The following GALNTL6 variants were observed in gnomAD, a reference collection of about 807,000 sequenced individuals.
The protein encoded by GALNTL6 is polypeptide N-acetylgalactosaminyltransferase like 6, also known as polypeptide N-acetylgalactosaminyltransferase-like 6.
In GALNTL6, 46 loss-of-function variants were observed where a neutral mutation model predicts 73.7. The observed-to-expected ratio is 0.62, with a 90% CI of 0.49 to 0.80. The LOEUF (loss-of-function observed/expected upper bound fraction) is 0.80, where lower values mean the gene tolerates loss of function less well. GALNTL6 is among the 30% of genes least tolerant of loss of function. GALNTL6 has a pLI of 0.00. For synonymous variants in GALNTL6, 259 were observed against 263.7 expected, an observed-to-expected ratio of 0.98 and a Z score of 0.17; for missense variants, 604 against 755.0, an observed-to-expected ratio of 0.80 and a Z score of 2.34.
intron 2 of GALNTL6, among the ~76,000 whole-genome samples, chr4:172,100,288 A>C (rs1732474404): frequency 6.6e-6 from 1 of 152,198 alleles, no homozygotes; most frequent in East Asian, 1.9e-4. Context: ...CTGGCCCTTA[A>C]TGATAATAAT....
At chr4:172,453,707 G>C (rs531084364) in intron 5 of GALNTL6, among the ~76,000 whole-genome samples, 1 of 152,292 alleles carries the variant, frequency 6.6e-6, no homozygotes, top group South Asian at 2.1e-4. Flanking sequence ...AGTTACAGAG[G>C]ATACACTGGG....
intron 8 of GALNTL6, among the ~76,000 whole-genome samples, chr4:172,892,471 GAAATT>G (rs1746084930): frequency 6.6e-6 from 1 of 152,112 alleles, no homozygotes; most frequent in East Asian, 1.9e-4. Context: ...GGGTGTTGAA[GAAATT>G]TTTTCTTTAG....
intron 5 of GALNTL6, among the ~76,000 whole-genome samples, chr4:172,458,957 A>G (rs907608719): frequency 6.6e-6 from 1 of 152,192 alleles, no homozygotes; most frequent in Non-Finnish European, 1.5e-5. Context: ...CGATGTGAAA[A>G]TCCTCAATAA....
chr4:172,462,718 A>G (rs1223990544), intron 5 of GALNTL6, among the ~76,000 whole-genome samples: 1 of 152,190 alleles, frequency 6.6e-6, no homozygotes, highest in Admixed American at 6.5e-5. Context: ...TTTGCACAAT[A>G]CATGGAAAAC....
chr4:171,833,138 T>C (rs1735021156), intron 2 of GALNTL6, among the ~76,000 whole-genome samples: 1 of 151,774 alleles, frequency 6.6e-6, no homozygotes, highest in African/African-American at 2.4e-5. Context: ...AAATTATATA[T>C]GATATCTAGG....
chr4:172,486,417 G>T (rs1733668893), intron 5 of GALNTL6, among the ~76,000 whole-genome samples: 1 of 152,102 alleles, frequency 6.6e-6, no homozygotes, highest in East Asian at 1.9e-4. Flanking sequence ...ATATGTTTGG[G>T]TATAAATATG....
At chr4:172,770,553 T>A (rs1191907462) in intron 5 of GALNTL6, among the ~76,000 whole-genome samples, 2 of 152,190 alleles carry the variant, frequency 1.3e-5, no homozygotes, top group Non-Finnish European at 2.9e-5. Flanking sequence ...CACAAACAAA[T>A]AATTGGTGCA....
At chr4:172,451,298 C>T (rs769066295) in intron 5 of GALNTL6, among the ~76,000 whole-genome samples, 6 of 152,076 alleles carry the variant, frequency 3.9e-5, no homozygotes, top group Non-Finnish European at 7.3e-5. Context: ...GTATTTTGAA[C>T]GTTACCAGGA....
chr4:172,880,988 G>C (rs139124970), intron 7 of GALNTL6, among the ~76,000 whole-genome samples: 50 of 152,110 alleles, frequency 3.3e-4, no homozygotes, highest in Non-Finnish European at 6.3e-4. Context: ...GGTGGTTCTA[G>C]TTTTGAGATT....
chr4:172,006,696 T>TG (rs1234231034), intron 2 of GALNTL6, among the ~76,000 whole-genome samples: 1 of 152,018 alleles, frequency 6.6e-6, no homozygotes, highest in Non-Finnish European at 1.5e-5. Flanking sequence ...CTAAAGTTCT[T>TG]GGGGGGAATA....
chr4:172,624,263 T>G (rs1739071049), intron 5 of GALNTL6, among the ~76,000 whole-genome samples: 1 of 152,184 alleles, frequency 6.6e-6, no homozygotes, highest in East Asian at 1.9e-4. Context: ...TGTTGTTGTT[T>G]TTGTTTTTTG....
intron 2 of GALNTL6, among the ~76,000 whole-genome samples, chr4:172,204,204 C>G (rs1197076895): frequency 6.6e-6 from 1 of 151,960 alleles, no homozygotes; most frequent in East Asian, 1.9e-4. Context: ...TAAAAATATA[C>G]CTAAAAAAAT....
At chr4:172,711,578 G>A (rs895763709) in intron 5 of GALNTL6, among the ~76,000 whole-genome samples, 1 of 152,096 alleles carries the variant, frequency 6.6e-6, no homozygotes, top group Non-Finnish European at 1.5e-5. Flanking sequence ...TGATTCCAAG[G>A]GTTTTGACCT....
rs531422954 is a variant in GALNTL6 at position 171,960,966 on chromosome 4, A to T, written c.138+146248A>T. On this transcript the variant is annotated intron_variant, in intron 2 of 12. Transcript: ENST00000506823. ...TTTATTCCTTTATTCTTTCTTAATA[A>T]ACTTGCTTTCACATTACTCTGTGGA... Among the ~76,000 whole-genome samples, 15 of 152,112 alleles carry T rather than the reference A, an allele frequency of 9.9e-5. No individual in the cohort carries two copies. The South Asian group carries it at 2.3e-3, about 23-fold the overall frequency.
chr4:172,590,609 C>T (rs1025324608), intron 5 of GALNTL6, among the ~76,000 whole-genome samples: 3 of 152,142 alleles, frequency 2.0e-5, no homozygotes, highest in Non-Finnish European at 1.5e-5. Flanking sequence ...GTATAATTCA[C>T]TTTTCAATTT....
chr4:171,904,134 G>A (rs1737195872), intron 2 of GALNTL6, among the ~76,000 whole-genome samples: 2 of 152,212 alleles, frequency 1.3e-5, no homozygotes, highest in Admixed American at 6.5e-5. Context: ...ACAGAACAAA[G>A]CTGGACGGAG....
intron 5 of GALNTL6, among the ~76,000 whole-genome samples, chr4:172,735,283 G>A (rs576276241): frequency 1.1e-4 from 17 of 152,300 alleles, no homozygotes; most frequent in Admixed American, 2.0e-4. Flanking sequence ...TTGCAGCAGC[G>A]TGACCTGGAT....
chr4:172,086,506 C>T (rs1281829162), intron 2 of GALNTL6, among the ~76,000 whole-genome samples: 1 of 151,530 alleles, frequency 6.6e-6, no homozygotes, highest in Non-Finnish European at 1.5e-5. Context: ...AACTTTATTC[C>T]TAAAGTTTAT....
chr4:172,209,532 A>G (rs1320826105), intron 2 of GALNTL6, among the ~76,000 whole-genome samples: 1 of 152,038 alleles, frequency 6.6e-6, no homozygotes, highest in Non-Finnish European at 1.5e-5. Flanking sequence ...ATTTTATTGA[A>G]TCGTAACAAG....
Sources: gnomAD v4.1 joint callset for allele counts (sites outside exome capture counted in the v4.1 genomes callset) on GRCh38, gnomAD v4.1.1 for gene constraint, MANE v1.5 for transcripts, NCBI Gene and HGNC (gene_info 2026-07-23, HGNC 2026-07-21) for gene names.